The following RSU1 variants were observed in gnomAD, a reference collection of about 807,000 sequenced individuals.
The protein encoded by RSU1 is rsu-1.
A neutral mutation model predicts 31.1 loss-of-function variants in RSU1; 26 were observed. That is an observed-to-expected ratio of 0.84 (90% confidence interval 0.61 to 1.16). RSU1 has a LOEUF of 1.16. RSU1 is among the 50% of genes most tolerant of loss of function. RSU1 has a pLI of 0.00. For missense variants in RSU1, 320 were observed against 339.1 expected (o/e 0.94, Z 0.44); for synonymous variants, 164 against 136.3 (o/e 1.20, Z -1.41).
intron 8 of RSU1, among the ~76,000 whole-genome samples, chr10:16,621,393 C>A (rs1484698958): frequency 1.3e-5 from 2 of 152,120 alleles, no homozygotes; most frequent in Non-Finnish European, 2.9e-5. Context: ...TTTCCCGTAC[C>A]CAGCCTCAGT....
intron 8 of RSU1, among the ~76,000 whole-genome samples, chr10:16,596,308 T>A (rs936379623): frequency 2.0e-5 from 3 of 152,176 alleles, no homozygotes; most frequent in African/African-American, 7.2e-5. Context: ...GTGTTCCTCC[T>A]CCTCGGCATC....
At chr10:16,688,642 T>C (rs1436601410) in intron 8 of RSU1, among the ~76,000 whole-genome samples, 1 of 152,044 alleles carries the variant, frequency 6.6e-6, no homozygotes, top group Non-Finnish European at 1.5e-5. Context: ...TATGTACCAT[T>C]TATGAAGAAA....
intron 7 of RSU1, among the ~76,000 whole-genome samples, chr10:16,715,539 C>T (rs1329250745): frequency 1.3e-5 from 2 of 152,198 alleles, no homozygotes; most frequent in Admixed American, 1.3e-4. Context: ...TAGTTTTTCA[C>T]TTCATCATTT....
chr10:16,599,772 G>A (rs1038147179), intron 8 of RSU1, among the ~76,000 whole-genome samples: 1 of 152,208 alleles, frequency 6.6e-6, no homozygotes, highest in African/African-American at 2.4e-5. Flanking sequence ...TCCACCTCTT[G>A]CAGGCTGCTG....
intron 7 of RSU1, among the ~76,000 whole-genome samples, chr10:16,697,962 C>CAGAGGG (rs993773525): frequency 7.4e-6 from 1 of 135,556 alleles, no homozygotes; most frequent in African/African-American, 2.8e-5. Context: ...ACATCTGGTT[C>CAGAGGG]AGAGGGGTGA....
intron 7 of RSU1, among the ~76,000 whole-genome samples, chr10:16,712,652 TTATTA>T (rs1482354239): frequency 6.6e-6 from 1 of 152,136 alleles, no homozygotes; most frequent in Admixed American, 6.5e-5. Flanking sequence ...ATCTACTTAT[TTATTA>T]TATATTTGTA....
chr10:16,737,909 T>C (rs942490452), intron 7 of RSU1, among the ~76,000 whole-genome samples: 3 of 152,172 alleles, frequency 2.0e-5, no homozygotes, highest in East Asian at 1.9e-4. Context: ...AATCAACAAA[T>C]TGTGAAGGAC....
chr10:16,712,179 A>G (rs955218157), intron 7 of RSU1, among the ~76,000 whole-genome samples: 1 of 151,902 alleles, frequency 6.6e-6, no homozygotes, highest in Non-Finnish European at 1.5e-5. Flanking sequence ...GTTTGTATGG[A>G]ATATGTTTTT....
intron 2 of RSU1, among the ~76,000 whole-genome samples, chr10:16,790,732 C>T (rs1837895212): frequency 6.6e-6 from 1 of 152,076 alleles, no homozygotes; most frequent in African/African-American, 2.4e-5. Context: ...GTGGATTCCC[C>T]CTTGCTTTTC....
At chr10:16,751,718 A>G (rs1440278977) in intron 7 of RSU1, among the ~76,000 whole-genome samples, 1 of 152,214 alleles carries the variant, frequency 6.6e-6, no homozygotes, top group East Asian at 1.9e-4. Flanking sequence ...TGCTTCCTCA[A>G]TGTGTTTCTT....
chr10:16,702,343 C>T (rs1020468208), intron 7 of RSU1, among the ~76,000 whole-genome samples: 12 of 152,226 alleles, frequency 7.9e-5, no homozygotes, highest in African/African-American at 2.7e-4. Flanking sequence ...GGACCACCAA[C>T]CTCTAGACCA....
At chr10:16,815,430 C>G (rs986080635) in intron 2 of RSU1, among the ~76,000 whole-genome samples, 18 of 152,328 alleles carry the variant, frequency 1.2e-4, no homozygotes, top group African/African-American at 4.3e-4. Flanking sequence ...GCAGTTCTCT[C>G]CATGCCTAAA....
intron 2 of RSU1, among the ~76,000 whole-genome samples, chr10:16,786,068 C>A (rs1264630461): frequency 6.6e-6 from 1 of 152,118 alleles, no homozygotes; most frequent in East Asian, 1.9e-4. Context: ...GACTGGCATT[C>A]TCTGTCTGCT....
intron 4 of RSU1, among the ~76,000 whole-genome samples, chr10:16,759,402 G>A (rs193177420): frequency 4.6e-5 from 7 of 152,234 alleles, no homozygotes; most frequent in Admixed American, 6.5e-5. Flanking sequence ...AGCTACTCAG[G>A]AGGCTGATGT....
chr10:16,769,273 G>T (rs1209877193), intron 3 of RSU1, among the ~76,000 whole-genome samples: 1 of 152,188 alleles, frequency 6.6e-6, no homozygotes. Context: ...AATTAGCAGG[G>T]TATGTTCTGG....
At chr10:16,681,132 T>C (rs1835321898) in intron 8 of RSU1, among the ~76,000 whole-genome samples, 1 of 152,216 alleles carries the variant, frequency 6.6e-6, no homozygotes, top group African/African-American at 2.4e-5. Context: ...ACTATTTGCA[T>C]GAAATTATGA....
At chr10:16,641,013 A>G (rs1834432559) in intron 8 of RSU1, among the ~76,000 whole-genome samples, 1 of 152,206 alleles carries the variant, frequency 6.6e-6, no homozygotes, top group South Asian at 2.1e-4. Flanking sequence ...GGCCACCATT[A>G]AAGTCAGGCT....
intron 7 of RSU1, among the ~76,000 whole-genome samples, chr10:16,700,591 C>T (rs1193751204): frequency 3.3e-5 from 5 of 152,234 alleles, no homozygotes; most frequent in Non-Finnish European, 7.3e-5. Context: ...TTCTCATTAT[C>T]ATGTGCTAGG....
chr10:16,722,901 T>G (rs961260317), intron 7 of RSU1, among the ~76,000 whole-genome samples: 85 of 146,118 alleles, frequency 5.8e-4, no homozygotes, highest in African/African-American at 1.9e-3. Context: ...TATGTATATA[T>G]ACACACATAT....
Sources: allele counts gnomAD v4.1 joint callset (sites outside exome capture counted in the v4.1 genomes callset), GRCh38; gene constraint gnomAD v4.1.1; transcripts MANE v1.5; gene names NCBI Gene and HGNC (gene_info 2026-07-23, HGNC 2026-07-21).